Variants in PCNX2 observed in about 807,000 individuals in gnomAD.
PCNX2 encodes the protein pecanex 2, also known as pecanex-like protein 2.
Under a neutral mutation model 223.8 loss-of-function variants are expected in PCNX2, and 168 were observed. The ratio of observed to expected loss-of-function variants is 0.75; its 90% CI spans 0.66 to 0.85. PCNX2 has a LOEUF of 0.85. PCNX2 is among the 40% of genes least tolerant of loss of function. The pLI is 0.00. For synonymous variants in PCNX2, 1,006 were observed against 1,052.6 expected (o/e 0.96, Z 0.86); for missense variants, 2,507 against 2,675.5 (o/e 0.94, Z 1.39).
chr1:233,275,986 G>A (rs897613660), intron 1 of PCNX2, among the ~76,000 whole-genome samples: 2 of 151,642 alleles, frequency 1.3e-5, no homozygotes, highest in Non-Finnish European at 2.9e-5. Context: ...AGCCCAGGTC[G>A]TGTCACTGCA....
intron 9 of PCNX2, 31 bp downstream of exon 9, chr1:233,236,814 T>C (rs377752981): frequency 3.7e-6 from 6 of 1,603,896 alleles, no homozygotes; most frequent in East Asian, 2.2e-5. Context: ...TTCCAGAACA[T>C]CCACAAACAG....
intron 23 of PCNX2, among the ~76,000 whole-genome samples, chr1:233,069,817 C>A (rs1297084436): frequency 2.0e-5 from 3 of 151,548 alleles, no homozygotes; most frequent in Non-Finnish European, 4.4e-5. Context: ...ATGGTCCCAC[C>A]CAAAAAATCT....
rs558519353 is a variant in PCNX2 at position 233,289,471 on chromosome 1, C to T, written c.153+5855G>A. 1,125 of 1,025,206 alleles carry T rather than the reference C, an allele frequency of 1.1e-3. 1 individual carries two copies. Among genetic ancestry groups the T allele is most frequent in the Non-Finnish European group, 1.5e-3 (990 of 656,022 alleles). 63.5% of individuals were successfully genotyped at this position (1,025,206 alleles called of 1,614,324 possible). A position where few individuals can be genotyped will look rare whatever the true frequency, so the allele number is the denominator to read the frequency against. Reference sequence around the variant, plus strand: ...ATGGCCTTCTCCTGGGAGAACTTGCCGAGCGCCGGCTTAGGAAGAGCAGAA... The same window carrying T: ...ATGGCCTTCTCCTGGGAGAACTTGCTGAGCGCCGGCTTAGGAAGAGCAGAA... On this transcript the variant is annotated intron_variant, in intron 1 of 33. Transcript: ENST00000258229.
chr1:233,297,032 G>A (rs1662161921), upstream of PCNX2, among the ~76,000 whole-genome samples: 1 of 152,228 alleles, frequency 6.6e-6, no homozygotes, highest in Non-Finnish European at 1.5e-5. Flanking sequence ...TTCTGTACTG[G>A]AAGAGTAATT....
intron 25 of PCNX2, among the ~76,000 whole-genome samples, chr1:233,035,309 C>T (rs1671416402): frequency 6.6e-6 from 1 of 151,952 alleles, no homozygotes; most frequent in African/African-American, 2.4e-5. Context: ...GTTTTTGTTC[C>T]CAATAATCAA....
At chr1:233,231,263 C>T (rs1658043062) in intron 9 of PCNX2, among the ~76,000 whole-genome samples, 1 of 151,862 alleles carries the variant, frequency 6.6e-6, no homozygotes, top group Non-Finnish European at 1.5e-5. Context: ...AAATAGAGTT[C>T]AAGAGATAAT....
At chr1:233,262,235 T>G in intron 2 of PCNX2, 70 bp from the exon 3 acceptor site, 1 of 1,567,618 alleles carries the variant, frequency 6.4e-7, no homozygotes, top group Non-Finnish European at 8.6e-7. Flanking sequence ...CTTTTAGTAC[T>G]AGTCTAAAAA....
intron 12 of PCNX2, 83 bp downstream of exon 12, chr1:233,217,816 G>T: frequency 6.8e-7 from 1 of 1,481,452 alleles, no homozygotes; most frequent in Non-Finnish European, 9.3e-7. Flanking sequence ...TACAGACTTG[G>T]CCCTTTGACT....
intron 21 of PCNX2, among the ~76,000 whole-genome samples, chr1:233,115,176 G>A (rs1675335133): frequency 6.6e-6 from 1 of 151,580 alleles, no homozygotes; most frequent in Non-Finnish European, 1.5e-5. Context: ...AGGAAGTCGA[G>A]GGCATTAAAA....
chr1:233,241,088 T>A (rs1236714662), intron 8 of PCNX2: 8 of 791,406 alleles, frequency 1.0e-5, no homozygotes, highest in Non-Finnish European at 1.2e-5. Context: ...ATGTTCAACA[T>A]GTAGGATGTT....
intron 31 of PCNX2, 112 bp from the exon 32 acceptor site, chr1:232,998,550 A>G: frequency 3.6e-6 from 4 of 1,125,810 alleles, no homozygotes; most frequent in Non-Finnish European, 3.8e-6. Flanking sequence ...TCTCCAGGTG[A>G]GTAGCCCACC....
the PCNX2 span, among the ~76,000 whole-genome samples, chr1:233,312,765 A>T: frequency 6.6e-6 from 1 of 152,208 alleles, no homozygotes; most frequent in Non-Finnish European, 1.5e-5. Context: ...TCATCCCCAG[A>T]GTACAAGGAT....
chr1:233,200,688 C>T lies in PCNX2; in HGVS notation c.2864-424G>A, dbSNP rs143106287. ...GACTTGGACATGGGGGAGATGAGGG[C>T]AAGAGAAAGGAAACTGGGAAAACTA... On this transcript the variant is annotated intron_variant, in intron 13 of 33. Transcript: ENST00000258229. Among the ~76,000 whole-genome samples the T allele has an allele frequency of 4.0e-3, 607 of 151,352 alleles. 2 individuals are homozygous for T. The highest frequency in any genetic ancestry group is 6.5e-3 in the Non-Finnish European group (438 of 67,816).
In PCNX2 at chr1:233,056,180, C is replaced by G. The variant is rs558050655; in HGVS notation, c.4135+1052G>C. Among the ~76,000 whole-genome samples the G allele has an allele frequency of 5.0e-4, 76 of 152,228 alleles. No individual in the cohort carries two copies. The South Asian group carries it at 6.0e-3, about 12-fold the overall frequency. On this transcript the variant is annotated intron_variant, in intron 24 of 33. Coordinates refer to ENST00000258229, the MANE Select transcript of PCNX2 (RefSeq NM_014801.4). ...ATTCATTTTCTCTAATGAAGCAGCACGCATCCTGAGACACTAATTAAAGAC... is the reference window on the plus strand; with the variant it reads ...ATTCATTTTCTCTAATGAAGCAGCAGGCATCCTGAGACACTAATTAAAGAC...
intron 15 of PCNX2, among the ~76,000 whole-genome samples, chr1:233,193,796 A>T (rs1558328988): frequency 1.3e-5 from 2 of 152,194 alleles, no homozygotes; most frequent in African/African-American, 2.4e-5. Context: ...TTATCATCGG[A>T]CTAGACACAG....
At chr1:233,233,615 A>G (rs911776031) in intron 9 of PCNX2, among the ~76,000 whole-genome samples, 1 of 151,942 alleles carries the variant, frequency 6.6e-6, no homozygotes, top group African/African-American at 2.4e-5. Context: ...TCACCTCCTG[A>G]CCACCCGCCC....
At chr1:233,290,696 T>C in intron 1 of PCNX2, 4 of 946,760 alleles carry the variant, frequency 4.2e-6, no homozygotes, top group Non-Finnish European at 5.0e-6. Context: ...CAGATAATCC[T>C]ATTAATTATA....
intron 15 of PCNX2, among the ~76,000 whole-genome samples, chr1:233,194,745 G>A (rs897305967): frequency 2.0e-5 from 3 of 152,136 alleles, no homozygotes; most frequent in East Asian, 1.9e-4. Flanking sequence ...GGCTGGGGGC[G>A]GTGGCTCACA....
At chr1:233,112,819 A>T (rs1478448151) in intron 21 of PCNX2, 1 of 1,262,162 alleles carries the variant, frequency 7.9e-7, no homozygotes, top group Non-Finnish European at 1.0e-6. Context: ...TGATGTCCCA[A>T]ATGGGGAGAA....
Sources: gnomAD v4.1 joint callset for allele counts (sites outside exome capture counted in the v4.1 genomes callset) on GRCh38, gnomAD v4.1.1 for gene constraint, MANE v1.5 for transcripts, NCBI Gene and HGNC (gene_info 2026-07-23, HGNC 2026-07-21) for gene names.